Variants in RRP12 observed in about 807,000 individuals in gnomAD.
RRP12 encodes the protein RRP12-like protein.
RRP12 carries 78 observed loss-of-function variants against 157.3 expected under a neutral mutation model. That is an observed-to-expected ratio of 0.50 (90% CI 0.41 to 0.60). RRP12 has a LOEUF of 0.60. Among genes scored for constraint, RRP12 ranks in the 20% least tolerant of loss-of-function variants. The probability of loss-of-function intolerance (pLI) is 0.00; values close to 1 mark genes in which losing one functional copy is unlikely to be tolerated. For missense variants in RRP12, 1,521 were observed against 1,679.9 expected (o/e 0.91, Z 1.65); for synonymous variants, 726 against 670.9 (o/e 1.08, Z -1.27).
intron 1 of RRP12, among the ~76,000 whole-genome samples, 189 bp from the exon 2 acceptor site, chr10:97,400,723 G>C (rs1158160065): frequency 6.6e-6 from 1 of 152,150 alleles, no homozygotes; most frequent in Non-Finnish European, 1.5e-5. Context: ...AATCCTCCAT[G>C]TAAAAGTTTC....
chr10:97,393,460 G>T lies in RRP12; in HGVS notation c.530+224C>A, dbSNP rs956599162. The T allele has an allele frequency of 2.2e-5, 15 of 680,274 alleles. No individual in the cohort carries two copies. In the East Asian group the frequency reaches 3.1e-4, roughly 14 times the overall value. 42.1% of individuals were successfully genotyped at this position (680,274 alleles called of 1,614,324 possible). A position where few individuals can be genotyped will look rare whatever the true frequency, so the allele number is the denominator to read the frequency against. On this transcript the variant is annotated intron_variant, in intron 4 of 33. Coordinates refer to ENST00000370992, the MANE Select transcript of RRP12 (RefSeq NM_015179.4). ...CAACCTTCTTGGCATAAAGGTAAATGATTCTATTACCAGGGGTTCAGGACA... is the reference window on the plus strand; with the variant it reads ...CAACCTTCTTGGCATAAAGGTAAATTATTCTATTACCAGGGGTTCAGGACA...
intron 31 of RRP12, among the ~76,000 whole-genome samples, chr10:97,360,221 C>T (rs1843807206): frequency 6.6e-6 from 1 of 152,190 alleles, no homozygotes; most frequent in South Asian, 2.1e-4. Context: ...TTAGGGTGAC[C>T]AAGAGAGGCA....
At chr10:97,361,115 C>T (rs770580380) in intron 30 of RRP12, among the ~76,000 whole-genome samples, 36 of 152,204 alleles carry the variant, frequency 2.4e-4, no homozygotes, top group African/African-American at 3.6e-4. Flanking sequence ...CTGTGCTCCA[C>T]GGGCTCTCAG....
At chr10:97,365,174 G>T (rs1843939662) in intron 29 of RRP12, among the ~76,000 whole-genome samples, 1 of 152,020 alleles carries the variant, frequency 6.6e-6, no homozygotes, top group Admixed American at 6.6e-5. Context: ...GTGGAGCAGT[G>T]AGGCTCCAGT....
chr10:97,385,238 G>C lies in RRP12; in HGVS notation c.1136C>G (p.Pro379Arg). The change falls in exon 10 of 34, where the codon CCC becomes CGC. Residue 379 changes from proline to arginine, a missense_variant. Coordinates refer to ENST00000370992, the MANE Select transcript of RRP12 (RefSeq NM_015179.4). Reference sequence around the variant, plus strand: ...CAGGGGTTGTAAATCATTCTCACTGGGAACATAGTCGTACAGGGCCTAAAA... The same window carrying C: ...CAGGGGTTGTAAATCATTCTCACTGCGAACATAGTCGTACAGGGCCTAAAA... ...QIITALYDYV[P>R]SENDLQPLLA... The C allele has an allele frequency of 6.2e-7, 1 of 1,614,014 alleles. No homozygotes were observed. Among genetic ancestry groups the C allele is most frequent in the Non-Finnish European group, 8.5e-7 (1 of 1,179,886 alleles).
intron 6 of RRP12, 138 bp downstream of exon 6, chr10:97,390,285 G>A: frequency 4.3e-6 from 3 of 697,766 alleles, no homozygotes; most frequent in Non-Finnish European, 2.6e-6. Context: ...CTAAATGCAT[G>A]GTGCCTCAGA....
chr10:97,379,783 T>C lies in RRP12; in HGVS notation c.1534-13A>G. 1 of 1,595,742 alleles carries C rather than the reference T, an allele frequency of 6.3e-7. No individual in the cohort carries two copies. The highest frequency in any genetic ancestry group is 8.5e-7 in the Non-Finnish European group (1 of 1,171,134). On this transcript the variant is annotated splice_polypyrimidine_tract_variant and intron_variant, in intron 13 of 33. Coordinates refer to ENST00000370992, the MANE Select transcript of RRP12 (RefSeq NM_015179.4). The stretch of plus-strand genomic sequence containing the variant: ...GGGACTGGAGGCACTGCAGCAGAGA[T>C]GAGTGACCACACATCAAGACATGCT...
chr10:97,400,166 G>A (rs752592470), intron 2 of RRP12, 139 bp downstream of exon 2: 17 of 690,014 alleles, frequency 2.5e-5, no homozygotes, highest in Admixed American at 2.3e-4. Context: ...CCTAGGAGGA[G>A]ACATAAAGGG....
chr10:97,370,447 G>A lies in RRP12; in HGVS notation c.2689+8C>T. The stretch of plus-strand genomic sequence containing the variant: ...CAGAGTGTCCACCCCCAGCCCCCTG[G>A]GCCTCACCTTCCTGGTTCGAGCCAA... On this transcript the variant is annotated splice_region_variant and intron_variant, in intron 23 of 33. Transcript: ENST00000370992. 6.3e-7 allele frequency: 1 copy of A among 1,585,864 alleles called. No homozygotes were observed.
chr10:97,396,804 T>C (rs1844976523), intron 2 of RRP12, among the ~76,000 whole-genome samples: 1 of 152,140 alleles, frequency 6.6e-6, no homozygotes, highest in South Asian at 2.1e-4. Flanking sequence ...GTCTCACTGT[T>C]AGCTAGGCAA....
chr10:97,390,706 C>T (rs757368031), intron 5 of RRP12, 33 bp downstream of exon 5: 7 of 1,509,090 alleles, frequency 4.6e-6, no homozygotes, highest in South Asian at 3.4e-5. Flanking sequence ...CTCTGGGAGT[C>T]GCCAGATGAG....
In RRP12 at chr10:97,401,264, A is replaced by G. The variant is rs1266861133; in HGVS notation, c.-33T>C. 9.9e-6 allele frequency: 16 copies of G among 1,612,188 alleles called. No individual in the cohort carries two copies. The highest frequency in any genetic ancestry group is 1.3e-5 in the Non-Finnish European group (15 of 1,178,668). On this transcript the variant is annotated 5_prime_UTR_variant, in exon 1 of 34. Coordinates refer to ENST00000370992, the MANE Select transcript of RRP12 (RefSeq NM_015179.4). Reference sequence around the variant, plus strand: ...AAGCCGTGGCGAGGAATGAGCTTAAATGACCGGCTTCCAGGGACGTAGAAA... The same window carrying G: ...AAGCCGTGGCGAGGAATGAGCTTAAGTGACCGGCTTCCAGGGACGTAGAAA...
chr10:97,374,724 A>G (rs1404486815), intron 15 of RRP12, among the ~76,000 whole-genome samples: 3 of 147,982 alleles, frequency 2.0e-5, no homozygotes, highest in Non-Finnish European at 3.0e-5. Flanking sequence ...GTGAGCCGAG[A>G]TCGTGCTATT....
chr10:97,384,104 C>T (rs1211212646), intron 10 of RRP12, among the ~76,000 whole-genome samples: 1 of 148,420 alleles, frequency 6.7e-6, no homozygotes, highest in Non-Finnish European at 1.5e-5. Context: ...AGGCCCTGAG[C>T]ACCCCCAACC....
chr10:97,379,469 G>C, intron 14 of RRP12, 55 bp from the exon 15 acceptor site: 1 of 1,609,556 alleles, frequency 6.2e-7, no homozygotes, highest in Non-Finnish European at 8.5e-7. Flanking sequence ...CCTGAGGGCA[G>C]TGCATAGCAT....
At chr10:97,395,718 G>T (rs149334751) in intron 3 of RRP12, among the ~76,000 whole-genome samples, 33 of 152,066 alleles carry the variant, frequency 2.2e-4, no homozygotes, top group African/African-American at 8.0e-4. Flanking sequence ...GGGTATGGTG[G>T]TGTGCACCTG....
intron 14 of RRP12, 53 bp downstream of exon 14, chr10:97,379,575 G>A (rs1167201607): frequency 1.9e-6 from 3 of 1,604,934 alleles, no homozygotes; most frequent in Non-Finnish European, 2.6e-6. Flanking sequence ...ATCCTTTCCA[G>A]GGGAGAGAAC....
At position 97,366,786 on chromosome 10, in the gene RRP12, T is replaced by C. The variant is rs1272826978; in HGVS notation, c.3171A>G (p.Glu1057=). 1.2e-6 allele frequency: 2 copies of C among 1,613,048 alleles called. No individual in the cohort carries two copies. Among genetic ancestry groups the C allele is most frequent in the African/African-American group, 2.7e-5 (2 of 75,042 alleles). The change falls in exon 27 of 34, where the codon GAA becomes GAG. Residue 1057 remains glutamate, a synonymous_variant. Transcript: ENST00000370992. ...CGGGCTCCTCCTCCTCCTCCTCCTC[T>C]TCTTCCTCCTCCACGGCAGCCTGGC... ...ALSQAAVEEE[E]EEEEEEEPAQ...
In RRP12 at chr10:97,370,992, C is replaced by T; in HGVS notation, c.2433G>A (p.Gln811=). The part of the protein sequence containing the change: ...SPQGPGALFV[Q]SHLEDLKKTL... ...TCTTCTTCAGGTCCTCCAGGTGGCTCTGCACGAAGAGGGCCCCGGGGCCCT... is the reference window on the plus strand; with the variant it reads ...TCTTCTTCAGGTCCTCCAGGTGGCTTTGCACGAAGAGGGCCCCGGGGCCCT... The change falls in exon 21 of 34, where the codon CAG becomes CAA. Residue 811 remains glutamine (Q), a synonymous_variant. Transcript: ENST00000370992. The T allele has an allele frequency of 6.2e-7, 1 of 1,614,034 alleles. No individual in the cohort carries two copies. Among genetic ancestry groups the T allele is most frequent in the Non-Finnish European group, 8.5e-7 (1 of 1,179,992 alleles).
Sources: gnomAD v4.1 joint callset for allele counts (sites outside exome capture counted in the v4.1 genomes callset) on GRCh38, gnomAD v4.1.1 for gene constraint, MANE v1.5 for transcripts, NCBI Gene and HGNC (gene_info 2026-07-23, HGNC 2026-07-21) for gene names.